The following HP1BP3 variants were observed in gnomAD, a reference collection of about 807,000 sequenced individuals.
HP1BP3 encodes heterochromatin protein 1-binding protein 3.
HP1BP3 carries 12 observed loss-of-function variants against 62.5 expected under a neutral mutation model. The ratio of observed to expected loss-of-function variants is 0.19; its 90% CI spans 0.12 to 0.31. The LOEUF is 0.31. HP1BP3 is among the 10% of genes least tolerant of loss of function. HP1BP3 has a pLI of 1.00. For synonymous variants in HP1BP3, 260 were observed against 237.8 expected (o/e 1.09, Z -0.86); for missense variants, 502 against 651.8 (o/e 0.77, Z 2.50).
chr1:20,785,715 C>T (rs1257041220), intron 1 of HP1BP3, among the ~76,000 whole-genome samples: 1 of 152,234 alleles, frequency 6.6e-6, no homozygotes, highest in Non-Finnish European at 1.5e-5. Flanking sequence ...TCTCCACTAA[C>T]TTCCAGCCCT....
chr1:20,758,488 A>C (rs775422820), intron 8 of HP1BP3, among the ~76,000 whole-genome samples: 1 of 152,104 alleles, frequency 6.6e-6, no homozygotes. Flanking sequence ...CTGGGACTAC[A>C]GGCGCGTGCC....
At chr1:20,773,209 T>C (rs564274691) in intron 5 of HP1BP3, among the ~76,000 whole-genome samples, 139 of 152,320 alleles carry the variant, frequency 9.1e-4, no homozygotes, top group African/African-American at 3.3e-3. Context: ...ATAAACTGCA[T>C]TTAAAAATTC....
At position 20,780,390 on chromosome 1, in the gene HP1BP3, T is replaced by C; in HGVS notation, c.51A>G (p.Pro17=). 1.2e-6 allele frequency: 2 copies of C among 1,613,944 alleles called. No individual in the cohort carries two copies. The highest frequency in any genetic ancestry group is 1.1e-5 in the South Asian group (1 of 91,066). The change falls in exon 2 of 13, where the codon CCA becomes CCG. Residue 17 remains proline, a synonymous_variant. Transcript: ENST00000438032. ...QGELVHPKAL[P]LIVGAQLIHA... ...GGATCAGCTGAGCTCCTACTATAAG[T>C]GGGAGTGCCTTAGGATGGACGAGTT...
At chr1:20,776,389 T>C in intron 4 of HP1BP3, 2 of 489,244 alleles carry the variant, frequency 4.1e-6, no homozygotes, top group East Asian at 3.3e-5. Context: ...TTTTGGATTA[T>C]TCAAACCATT....
intron 8 of HP1BP3, among the ~76,000 whole-genome samples, chr1:20,760,086 A>G (rs183788175): frequency 1.3e-5 from 2 of 151,876 alleles, no homozygotes; most frequent in African/African-American, 4.8e-5. Flanking sequence ...ATGGGGTTTC[A>G]CCATGTTGGC....
At chr1:20,755,156 G>A (rs1023630018) in intron 9 of HP1BP3, among the ~76,000 whole-genome samples, 1 of 152,122 alleles carries the variant, frequency 6.6e-6, no homozygotes, top group Non-Finnish European at 1.5e-5. Context: ...AAGCACAAGA[G>A]ATGCTCAACA....
intron 4 of HP1BP3, chr1:20,775,858 T>C: frequency 1.7e-6 from 2 of 1,182,790 alleles, no homozygotes; most frequent in Admixed American, 2.9e-5. Flanking sequence ...AAGTACACTT[T>C]ATGATGTTGG....
chr1:20,773,643 A>C (rs1373791925), intron 4 of HP1BP3, 33 bp from the exon 5 acceptor site: 1 of 1,454,304 alleles, frequency 6.9e-7, no homozygotes, highest in East Asian at 2.4e-5. Flanking sequence ...TATAGAAGAT[A>C]AGCTCTCTAG....
chr1:20,745,702 A>C, intron 11 of HP1BP3, 46 bp from the exon 12 acceptor site: 1 of 1,600,396 alleles, frequency 6.2e-7, no homozygotes, highest in South Asian at 1.1e-5. Flanking sequence ...CATATAAAAC[A>C]AGAAAAATAA....
intron 1 of HP1BP3, among the ~76,000 whole-genome samples, chr1:20,785,009 C>A (rs1354661313): frequency 6.6e-6 from 1 of 152,144 alleles, no homozygotes; most frequent in Non-Finnish European, 1.5e-5. Context: ...TAGCCTCGAC[C>A]TCCTGGGCTC....
chr1:20,777,469 T>TTTA (rs1557671723), intron 3 of HP1BP3, among the ~76,000 whole-genome samples: 15 of 151,986 alleles, frequency 9.9e-5, no homozygotes, highest in African/African-American at 3.1e-4. Context: ...TTATTTATTT[T>TTTA]TTTTTTGAGA....
chr1:20,747,436 G>A (rs2055413246), intron 11 of HP1BP3, 108 bp downstream of exon 11: 4 of 707,818 alleles, frequency 5.7e-6, no homozygotes, highest in South Asian at 2.0e-5. Context: ...AACAAAGGAC[G>A]ACTGTATTTC....
chr1:20,761,991 T>C (rs1248065089), intron 8 of HP1BP3, among the ~76,000 whole-genome samples: 3 of 151,988 alleles, frequency 2.0e-5, no homozygotes, highest in African/African-American at 7.2e-5. Context: ...TCAGGTAAAG[T>C]GGTGGGGATA....
rs117432160 is a variant in HP1BP3 at position 20,751,146 on chromosome 1, A to G, written c.982-1264T>C. 7.0e-3 allele frequency among the ~76,000 whole-genome samples: 1,066 copies of G among 152,120 alleles called. 37 individuals carry two copies. The highest frequency in any genetic ancestry group is 0.05 in the Admixed American group (757 of 15,270). On this transcript the variant is annotated intron_variant, in intron 9 of 12. Transcript: ENST00000438032. ...TTTCCTCTTTCTTAAGATTTTCTCA[A>G]TAACATTTTCTTTTCTCTAGCTTGC...
At chr1:20,776,793 C>T (rs947629959) in intron 3 of HP1BP3, 43 bp from the exon 4 acceptor site, 32 of 1,519,062 alleles carry the variant, frequency 2.1e-5, no homozygotes, top group Non-Finnish European at 2.8e-5. Context: ...AGATGTATTC[C>T]AATCTGAGTC....
At chr1:20,766,723 T>C (rs2056803417) in intron 7 of HP1BP3, among the ~76,000 whole-genome samples, 1 of 151,982 alleles carries the variant, frequency 6.6e-6, no homozygotes, top group Non-Finnish European at 1.5e-5. Context: ...GCAGATCACC[T>C]GAGGTCAGGA....
At chr1:20,762,855 G>A (rs751878701) in intron 8 of HP1BP3, among the ~76,000 whole-genome samples, 64 of 152,062 alleles carry the variant, frequency 4.2e-4, no homozygotes, top group Non-Finnish European at 8.2e-4. Context: ...CTTAACCTTG[G>A]CAAAATAAAC....
intron 8 of HP1BP3, among the ~76,000 whole-genome samples, chr1:20,762,793 C>G (rs1274761868): frequency 6.6e-6 from 1 of 152,118 alleles, no homozygotes. Flanking sequence ...GTGCCCAGAC[C>G]ACCCTGGGCA....
chr1:20,755,345 A>C (rs1239292486), intron 9 of HP1BP3: 10 of 453,512 alleles, frequency 2.2e-5, no homozygotes, highest in Non-Finnish European at 3.6e-5. Context: ...AGGCAGGCAG[A>C]CTACTTCACT....
Sources: gnomAD v4.1 joint callset for allele counts (sites outside exome capture counted in the v4.1 genomes callset) on GRCh38, gnomAD v4.1.1 for gene constraint, MANE v1.5 for transcripts, NCBI Gene and HGNC (gene_info 2026-07-23, HGNC 2026-07-21) for gene names.